Variants in FMO1 observed in about 807,000 individuals in gnomAD.
FMO1 encodes the protein flavin containing dimethylaniline monoxygenase 1.
Under a neutral mutation model 45.4 loss-of-function variants are expected in FMO1, and 36 were observed. That is an observed-to-expected ratio of 0.79 (90% CI 0.61 to 1.05). The LOEUF is 1.05. Among genes scored for constraint, FMO1 ranks in the 50% least tolerant of loss-of-function variants. The probability of loss-of-function intolerance (pLI) is 0.00; values close to 1 mark genes in which losing one functional copy is unlikely to be tolerated. For missense variants in FMO1, 615 were observed against 640.3 expected (o/e 0.96, Z 0.43); for synonymous variants, 228 against 227.2 (o/e 1.00, Z -0.03).
intron 3 of FMO1, among the ~76,000 whole-genome samples, chr1:171,268,875 A>C (rs1461696946): frequency 6.6e-6 from 1 of 152,160 alleles, no homozygotes; most frequent in East Asian, 1.9e-4. Context: ...ATGTTGTGGG[A>C]GGGACTCAGT....
chr1:171,250,247 T>C (rs188727635), intron 1 of FMO1, among the ~76,000 whole-genome samples: 142 of 152,328 alleles, frequency 9.3e-4, no homozygotes, highest in African/African-American at 3.0e-3. Flanking sequence ...TTCATTTCTA[T>C]TCTACCTCAG....
chr1:171,279,955 A>T (rs3766654), intron 5 of FMO1, among the ~76,000 whole-genome samples: 20,824 of 151,922 alleles, frequency 0.14, 1,551 homozygotes, highest in Admixed American at 0.22. Flanking sequence ...ATCTACCTTT[A>T]CCTTCCCAGA....
intron 1 of FMO1, among the ~76,000 whole-genome samples, chr1:171,256,717 AG>A (rs919613984): frequency 1.3e-5 from 2 of 152,200 alleles, no homozygotes; most frequent in African/African-American, 4.8e-5. Context: ...TGAATATTTT[AG>A]TCTCTACAGT....
intron 1 of FMO1, among the ~76,000 whole-genome samples, chr1:171,257,504 C>T (rs1013552436): frequency 3.9e-5 from 6 of 152,152 alleles, no homozygotes; most frequent in Non-Finnish European, 8.8e-5. Context: ...AAGGGACACA[C>T]CAACAGCACA....
rs757271567 is a variant in FMO1 at position 171,281,948 on chromosome 1, AGTCTCCTCCCT to A, written c.828-27_828-17del. On this transcript the variant is annotated intron_variant, in intron 6 of 8. Transcript: ENST00000617670. ...GAGCTGGCTGAATTGTTCACTGACAAGTCTCCTCCCTGTTCATGTTTTTGTTTAGGACTCAG... is the reference window on the plus strand; with the variant it reads ...GAGCTGGCTGAATTGTTCACTGACAAGTTCATGTTTTTGTTTAGGACTCAG... The A allele has an allele frequency of 2.2e-6, 3 of 1,355,762 alleles. No homozygotes were observed. Among genetic ancestry groups the A allele is most frequent in the Non-Finnish European group, 3.1e-6 (3 of 976,020 alleles). The allele number at this position is 1,355,762 out of a possible 1,614,324, so 84.0% of individuals were successfully genotyped here.
At chr1:171,261,341 A>G (rs1468484124) in intron 2 of FMO1, among the ~76,000 whole-genome samples, 1 of 151,948 alleles carries the variant, frequency 6.6e-6, no homozygotes. Context: ...ACACACACAC[A>G]CAAAAGGTTA....
intron 1 of FMO1, chr1:171,257,879 G>A: frequency 3.6e-6 from 2 of 550,020 alleles, no homozygotes; most frequent in African/African-American, 3.8e-5. Context: ...GGTGCTGCAT[G>A]AGGGGCGGGA....
intron 2 of FMO1, among the ~76,000 whole-genome samples, chr1:171,260,659 G>A (rs572068758): frequency 3.9e-5 from 6 of 151,978 alleles, no homozygotes; most frequent in African/African-American, 9.7e-5. Flanking sequence ...AGCCAGGCAC[G>A]GTGGCTCACG....
intron 3 of FMO1, chr1:171,271,636 C>G (rs1432484323): frequency 1.4e-6 from 1 of 720,166 alleles, no homozygotes; most frequent in South Asian, 1.5e-5. Context: ...CAGTGCCCAT[C>G]TGGCTCTCAC....
intron 2 of FMO1, among the ~76,000 whole-genome samples, chr1:171,267,295 T>A (rs533465855): frequency 1.3e-5 from 2 of 152,330 alleles, no homozygotes; most frequent in South Asian, 4.1e-4. Flanking sequence ...TCCAAATTCC[T>A]TAACTTTGGA....
intron 2 of FMO1, among the ~76,000 whole-genome samples, chr1:171,260,384 G>A (rs1660325379): frequency 6.6e-6 from 1 of 152,138 alleles, no homozygotes; most frequent in Admixed American, 6.5e-5. Context: ...ACACAATCCT[G>A]GCAGGAAAAG....
intron 1 of FMO1, among the ~76,000 whole-genome samples, chr1:171,255,439 A>G (rs1571326333): frequency 6.6e-6 from 1 of 152,244 alleles, no homozygotes; most frequent in South Asian, 2.1e-4. Context: ...AGCTCACAGC[A>G]GATCCAGGTC....
chr1:171,272,294 C>T (rs1487670979), intron 3 of FMO1, among the ~76,000 whole-genome samples: 2 of 152,220 alleles, frequency 1.3e-5, no homozygotes. Flanking sequence ...TATGGAAATG[C>T]CTGGATGTGC....
rs140721425 is a variant in FMO1, at chr1:171,253,194, A to T, written c.-7+4571A>T. On this transcript the variant is annotated intron_variant, in intron 1 of 8. Transcript: ENST00000617670. ...CTCTCTTTCTTCTATCATCATTCTT[A>T]TATTTCCCTACTCATTTCCTTCACT... Among the ~76,000 whole-genome samples, 245 of 152,270 alleles carry T rather than the reference A, an allele frequency of 1.6e-3. 1 individual carries two copies. Among genetic ancestry groups the T allele is most frequent in the African/African-American group, 5.7e-3 (237 of 41,570 alleles).
chr1:171,256,942 G>A (rs568157919), intron 1 of FMO1, among the ~76,000 whole-genome samples: 43 of 152,314 alleles, frequency 2.8e-4, no homozygotes, highest in Non-Finnish European at 5.4e-4. Context: ...AAATGTGTGT[G>A]CTACTGACCA....
chr1:171,266,070 C>G (rs1292044320), intron 2 of FMO1, among the ~76,000 whole-genome samples: 2 of 152,060 alleles, frequency 1.3e-5, no homozygotes, highest in Non-Finnish European at 2.9e-5. Flanking sequence ...AATAATCTTT[C>G]AATGAAAGAA....
intron 1 of FMO1, among the ~76,000 whole-genome samples, chr1:171,257,119 G>A (rs896598149): frequency 2.0e-5 from 3 of 152,196 alleles, no homozygotes; most frequent in Admixed American, 6.5e-5. Context: ...GATTCTCACA[G>A]AACACTTCAA....
chr1:171,285,573 CA>C lies in FMO1; in HGVS notation c.*30del. Reference sequence around the variant, plus strand: ...AAAGATCTCCTAAATGGAAGATGCACAGAGTAGATTTACAATGCTCCAATTC... The same window carrying C: ...AAAGATCTCCTAAATGGAAGATGCACGAGTAGATTTACAATGCTCCAATTC... On this transcript the variant is annotated 3_prime_UTR_variant, in exon 9 of 9. Transcript: ENST00000617670. 7.7e-7 allele frequency: 1 copy of C among 1,301,914 alleles called. No individual in the cohort carries two copies. Among genetic ancestry groups the C allele is most frequent in the Non-Finnish European group, 1.1e-6 (1 of 944,128 alleles). 80.6% of individuals were successfully genotyped at this position (1,301,914 alleles called of 1,614,324 possible).
At chr1:171,257,429 C>T (rs1012289577) in intron 1 of FMO1, among the ~76,000 whole-genome samples, 1 of 152,140 alleles carries the variant, frequency 6.6e-6, no homozygotes, top group Non-Finnish European at 1.5e-5. Context: ...ACCTTTCTAC[C>T]ACAAACCCTC....
Sources: allele counts gnomAD v4.1 joint callset (sites outside exome capture counted in the v4.1 genomes callset), GRCh38; gene constraint gnomAD v4.1.1; transcripts MANE v1.5; gene names NCBI Gene and HGNC (gene_info 2026-07-23, HGNC 2026-07-21).